TRRAP: variants seen among roughly 807,000 people sequenced by gnomAD.
TRRAP encodes transformation/transcription domain-associated protein.
A neutral mutation model predicts 438.8 loss-of-function variants in TRRAP; 41 were observed. The observed-to-expected ratio is 0.09, with a 90% CI of 0.07 to 0.12. The LOEUF (loss-of-function observed/expected upper bound fraction) is 0.12, where lower values mean the gene tolerates loss of function less well. TRRAP is among the 10% of genes least tolerant of loss of function. The pLI, the probability that TRRAP is intolerant of heterozygous loss-of-function variation, is 1.00. For missense variants in TRRAP, 3,122 were observed against 5,055.1 expected (o/e 0.62, Z 11.60); for synonymous variants, 1,994 against 1,962.9 (o/e 1.02, Z -0.42).
At chr7:98,967,949 T>C (rs187030936) in intron 51 of TRRAP, among the ~76,000 whole-genome samples, 134 of 152,326 alleles carry the variant, frequency 8.8e-4, no homozygotes. Flanking sequence ...CATTTTTTCT[T>C]CAAATATAAA....
chr7:98,902,721 C>T (rs575856035), intron 11 of TRRAP, among the ~76,000 whole-genome samples: 1 of 151,960 alleles, frequency 6.6e-6, no homozygotes, highest in Non-Finnish European at 1.5e-5. Flanking sequence ...TCTGAGTTGG[C>T]TCAAGTTGAC....
intron 69 of TRRAP, among the ~76,000 whole-genome samples, chr7:99,006,203 C>T (rs184854018): frequency 2.2e-4 from 34 of 152,288 alleles, no homozygotes; most frequent in Middle Eastern, 3.4e-3. Context: ...GAGAAGAGAG[C>T]CACTTTGATG....
intron 18 of TRRAP, among the ~76,000 whole-genome samples, chr7:98,913,396 C>T (rs1032605415): frequency 6.6e-6 from 1 of 151,870 alleles, no homozygotes; most frequent in African/African-American, 2.4e-5. Context: ...TCAAGCAATT[C>T]TCCTGCCTCA....
Position 98,976,969 on chromosome 7 carries a change from T to A in TRRAP, c.8278T>A (p.Ser2760Thr). ...ACTGGATTCCCTTGCGGAGCTTTAC[T>A]CCCTGTTACAAGAGGAAGATATGTG... Reference protein sequence around the residue: ...EILDSLAELYSLLQEEDMWAG... With the variant: ...EILDSLAELYTLLQEEDMWAG... The change falls in exon 56 of 73, where the codon TCC (serine) becomes ACC (threonine). Residue 2760 changes from serine to threonine, a missense_variant. Ser to Thr is a moderately conservative substitution (Grantham distance 58). Transcript: ENST00000456197. This position sits in a 1 kb window ranked among gnomAD's most constrained non-coding sequence, Gnocchi z 4.6. 1 of 1,614,170 alleles carries A rather than the reference T, an allele frequency of 6.2e-7. No homozygotes were observed. The highest frequency in any genetic ancestry group is 8.5e-7 in the Non-Finnish European group (1 of 1,180,032).
intron 30 of TRRAP, among the ~76,000 whole-genome samples, chr7:98,940,975 A>G (rs1246961388): frequency 6.6e-6 from 1 of 152,214 alleles, no homozygotes; most frequent in Non-Finnish European, 1.5e-5. Context: ...GTGTGCATTC[A>G]TGAAAACAAC....
At chr7:98,890,055 G>A (rs1165710097) in intron 3 of TRRAP, among the ~76,000 whole-genome samples, 1 of 152,126 alleles carries the variant, frequency 6.6e-6, no homozygotes, top group African/African-American at 2.4e-5. Context: ...TACTTAGATC[G>A]TGGCAGAGAC....
rs1219746261 is a variant in TRRAP at position 98,976,871 on chromosome 7, A to C, written c.8248-68A>C. On this transcript the variant is annotated intron_variant, in intron 55 of 72. Transcript: ENST00000456197. This position sits in a 1 kb window ranked among gnomAD's most constrained non-coding sequence, Gnocchi z 4.6. ...AATGATTTCAAATGACAGCACAGTG[A>C]AACTATTTTTAGGGGGGAAAAAAAG... 3.1e-6 allele frequency: 5 copies of C among 1,605,500 alleles called. No homozygotes were observed. The African/African-American group carries it at 5.4e-5, about 17-fold the overall frequency.
Position 98,948,402 on chromosome 7 carries a change from A to G in TRRAP, c.4668+62A>G, listed in dbSNP as rs1791182813. 1 of 1,611,374 alleles carries G rather than the reference A, an allele frequency of 6.2e-7. No individual in the cohort carries two copies. The highest frequency in any genetic ancestry group is 1.3e-5 in the African/African-American group (1 of 74,844). On this transcript the variant is annotated intron_variant, in intron 34 of 72. Coordinates refer to ENST00000456197, the MANE Select transcript of TRRAP (RefSeq NM_001375524.1). This position sits in a 1 kb window ranked among gnomAD's most constrained non-coding sequence, Gnocchi z 4.9. ...ACCCTCCGGTGCTTATAGCGTCCTCACTTGATCGTATTTTCAATGGACGGA... is the reference window on the plus strand; with the variant it reads ...ACCCTCCGGTGCTTATAGCGTCCTCGCTTGATCGTATTTTCAATGGACGGA...
At chr7:99,002,890 C>T (rs1016380260) in intron 67 of TRRAP, among the ~76,000 whole-genome samples, 2 of 152,204 alleles carry the variant, frequency 1.3e-5, no homozygotes, top group Non-Finnish European at 2.9e-5. Flanking sequence ...TTATGCCCAG[C>T]GCCTCATGTG....
At position 98,937,766 on chromosome 7, in the gene TRRAP, G is replaced by A. The variant is rs782092641; in HGVS notation, c.4350G>A (p.Ser1450=). 3.7e-6 allele frequency: 6 copies of A among 1,613,782 alleles called. No homozygotes were observed. The highest frequency in any genetic ancestry group is 2.2e-5 in the South Asian group (2 of 91,026). ...TGAATGTTGTGAATCGCCTGACTTC[G>A]GTCACGAGGCTCTTCCCAAATTCCT... ...LTLNVVNRLT[S]VTRLFPNSFN... The change falls in exon 30 of 73, where the codon TCG becomes TCA. Residue 1450 remains serine (S), a synonymous_variant. Coordinates refer to ENST00000456197, the MANE Select transcript of TRRAP (RefSeq NM_001375524.1).
Position 98,992,236 on chromosome 7 carries a change from C to A in TRRAP, c.9847+9C>A. 1 of 1,613,658 alleles carries A rather than the reference C, an allele frequency of 6.2e-7. No homozygotes were observed. Among genetic ancestry groups the A allele is most frequent in the Non-Finnish European group, 8.5e-7 (1 of 1,179,946 alleles). ...GGAACGCTACAAGAGCGGTACGTCTCGGGTGGGGCCGGTAGGCCAGGCCGG... is the reference window on the plus strand; with the variant it reads ...GGAACGCTACAAGAGCGGTACGTCTAGGGTGGGGCCGGTAGGCCAGGCCGG... On this transcript the variant is annotated intron_variant, in intron 65 of 72. Coordinates refer to ENST00000456197, the MANE Select transcript of TRRAP (RefSeq NM_001375524.1).
At chr7:98,899,294 A>G (rs529115388) in intron 8 of TRRAP, 128 bp from the exon 9 acceptor site, 4 of 745,520 alleles carry the variant, frequency 5.4e-6, no homozygotes, top group Non-Finnish European at 7.0e-6. Flanking sequence ...TTCATCACAA[A>G]TATTTACAAA....
At chr7:98,971,436 G>A (rs111785093) in intron 52 of TRRAP, among the ~76,000 whole-genome samples, 2,007 of 152,294 alleles carry the variant, frequency 0.013, 14 homozygotes, top group Non-Finnish European at 0.02. Flanking sequence ...ATTCTCAGTC[G>A]GAGCAAGCCA....
chr7:98,988,530 T>A (rs986059224), intron 62 of TRRAP, among the ~76,000 whole-genome samples: 1 of 152,146 alleles, frequency 6.6e-6, no homozygotes, highest in African/African-American at 2.4e-5. Flanking sequence ...GGTGTATGAT[T>A]CAATTTATAT....
intron 26 of TRRAP, 139 bp from the exon 27 acceptor site, chr7:98,933,102 C>G: frequency 8.3e-7 from 1 of 1,199,542 alleles, no homozygotes; most frequent in South Asian, 1.9e-5. Context: ...AGGTTTTGCA[C>G]ATGAAATGTA....
At chr7:98,900,123 C>T (rs73155610) in intron 10 of TRRAP, among the ~76,000 whole-genome samples, 4,178 of 152,064 alleles carry the variant, frequency 0.027, 82 homozygotes, top group South Asian at 0.053. Context: ...CTCAGTTCCC[C>T]ATCAGCCTTC....
intron 36 of TRRAP, 26 bp downstream of exon 36, chr7:98,949,607 A>C (rs369161683): frequency 6.3e-7 from 1 of 1,586,854 alleles, no homozygotes; most frequent in African/African-American, 1.4e-5. Context: ...CCAGCCCCCA[A>C]TGCCCAGGGG....
At chr7:98,903,348 G>A (rs782144452) in intron 11 of TRRAP, 31 bp from the exon 12 acceptor site, 3 of 1,613,276 alleles carry the variant, frequency 1.9e-6, no homozygotes, top group Middle Eastern at 1.7e-4. Context: ...TCCTATCCCT[G>A]TAACTGTGTC....
chr7:98,980,594 G>A lies in TRRAP; in HGVS notation c.8635-1175G>A, dbSNP rs374456713. 3.4e-4 allele frequency among the ~76,000 whole-genome samples: 52 copies of A among 152,280 alleles called. 1 individual carries two copies. In the East Asian group the frequency reaches 6.6e-3, roughly 19 times the overall value. On this transcript the variant is annotated intron_variant, in intron 58 of 72. Coordinates refer to ENST00000456197, the MANE Select transcript of TRRAP (RefSeq NM_001375524.1). ...TCATCGGCTGCTCCATGGAACTGAC[G>A]CTGGAGTGCAGGAAATCTGGGGGAC...
Sources: allele counts gnomAD v4.1 joint callset (sites outside exome capture counted in the v4.1 genomes callset), GRCh38; gene constraint gnomAD v4.1.1; non-coding constraint Gnocchi (gnomAD v3.1); transcripts MANE v1.5; gene names NCBI Gene and HGNC (gene_info 2026-07-23, HGNC 2026-07-21).